The following OTUD3 variants were observed in gnomAD, a reference collection of about 807,000 sequenced individuals.
The protein encoded by OTUD3 is OTU deubiquitinase 3, also known as OTU domain-containing protein 3.
OTUD3 carries 24 observed loss-of-function variants against 46.2 expected under a neutral mutation model. The observed-to-expected ratio is 0.52, with a 90% CI of 0.38 to 0.73. OTUD3 has a LOEUF of 0.73. OTUD3 is among the 30% of genes least tolerant of loss of function. OTUD3 has a pLI of 0.00. For synonymous variants in OTUD3, 189 were observed against 195.4 expected (o/e 0.97, Z 0.27); for missense variants, 455 against 523.3 (o/e 0.87, Z 1.27).
At position 19,902,512 on chromosome 1, in the gene OTUD3, T is replaced by TA. The variant is rs2045604944; in HGVS notation, c.607-1752dup. On this transcript the variant is annotated intron_variant, in intron 4 of 7. Coordinates refer to ENST00000375120, the MANE Select transcript of OTUD3 (RefSeq NM_015207.2). The stretch of plus-strand genomic sequence containing the variant: ...GAGCCACCACGCCCGGCCAGTATCT[T>TA]AAAGTTTTGAATTGCATTTTCTTAA... Among the ~76,000 whole-genome samples the TA allele has an allele frequency of 2.0e-5, 3 of 152,348 alleles. No homozygotes were observed. In the South Asian group the frequency reaches 6.2e-4, roughly 32 times the overall value.
intron 7 of OTUD3, 62 bp from the exon 8 acceptor site, chr1:19,907,508 C>A: frequency 6.6e-7 from 1 of 1,518,424 alleles, no homozygotes; most frequent in South Asian, 1.2e-5. Flanking sequence ...CATCTCCCTT[C>A]TAGCAGGTGG....
intron 4 of OTUD3, among the ~76,000 whole-genome samples, chr1:19,902,940 G>A (rs1457363553): frequency 2.0e-5 from 3 of 151,534 alleles, no homozygotes; most frequent in Admixed American, 1.3e-4. Flanking sequence ...TGGATTTACA[G>A]TGGTTATTTA....
At chr1:19,904,231 C>T (rs2100313814) in intron 4 of OTUD3, 36 bp from the exon 5 acceptor site, 2 of 1,523,236 alleles carry the variant, frequency 1.3e-6, no homozygotes, top group Non-Finnish European at 1.8e-6. Flanking sequence ...GTTTGATTCT[C>T]AACATAGTTC....
At position 19,897,657 on chromosome 1, in the gene OTUD3, A is replaced by C; in HGVS notation, c.601A>C (p.Thr201Pro). The change falls in exon 4 of 8, where the codon ACG (threonine) becomes CCG (proline). Residue 201 changes from threonine (T) to proline (P), a missense_variant. Thr to Pro is a conservative substitution (Grantham distance 38). Transcript: ENST00000375120. ...CTCAGAGGCACCTGCACATCTCCAG[A>C]CGGATGTGAGTGAGGCCTCGGATTT... ...DNSEAPAHLQTDFQMLHQDES... is the reference protein window; with the variant it reads ...DNSEAPAHLQPDFQMLHQDES... The C allele has an allele frequency of 1.2e-6, 2 of 1,612,566 alleles. No individual in the cohort carries two copies. The highest frequency in any genetic ancestry group is 1.7e-6 in the Non-Finnish European group (2 of 1,179,376).
chr1:19,905,328 A>G (rs993838058), intron 6 of OTUD3, among the ~76,000 whole-genome samples: 2 of 152,218 alleles, frequency 1.3e-5, no homozygotes, highest in Non-Finnish European at 2.9e-5. Context: ...CCAAAATAAA[A>G]TGGAGAGAGA....
chr1:19,890,883 A>G (rs1226357325), intron 2 of OTUD3, among the ~76,000 whole-genome samples: 2 of 152,184 alleles, frequency 1.3e-5, no homozygotes, highest in Non-Finnish European at 2.9e-5. Context: ...CTGGAAAGAT[A>G]CTAACATTTT....
chr1:19,906,764 G>A (rs907364560), intron 7 of OTUD3, 148 bp downstream of exon 7: 1 of 690,818 alleles, frequency 1.4e-6, no homozygotes, highest in East Asian at 2.8e-5. Flanking sequence ...GCTACATCAA[G>A]AAGCAGAATG....
chr1:19,897,945 AC>A lies in OTUD3; in HGVS notation c.606+285del, dbSNP rs1260159275. ...TTTTTATGTTTTAAAATTAATCCAC[AC>A]CTTTTTTTTTTTTTTAATTGGAGAT... On this transcript the variant is annotated intron_variant, in intron 4 of 7. Transcript: ENST00000375120. 3.1e-5 allele frequency: 6 copies of A among 192,228 alleles called. No homozygotes were observed. In the East Asian group the frequency reaches 4.8e-4, roughly 15 times the overall value. The allele number at this position is 192,228 out of a possible 1,614,324, so 11.9% of individuals were successfully genotyped here.
rs746185753 is a variant in OTUD3 at position 19,894,466 on chromosome 1, G to T, written c.469G>T (p.Ala157Ser). The stretch of plus-strand genomic sequence containing the variant: ...GAATGTAGTGATTCATCAACTTAAT[G>T]CCCCTTTGTGGCAGGTAGGTCACCT... ...QLNVVIHQLN[A>S]PLWQIRGTEK... The change falls in exon 3 of 8, where the codon GCC becomes TCC. Residue 157 changes from alanine (A) to serine (S), a missense_variant. Coordinates refer to ENST00000375120, the MANE Select transcript of OTUD3 (RefSeq NM_015207.2). The T allele has an allele frequency of 6.3e-7, 1 of 1,589,772 alleles. No individual in the cohort carries two copies. The highest frequency in any genetic ancestry group is 1.1e-5 in the South Asian group (1 of 88,554).
In OTUD3 at chr1:19,882,726, G is replaced by A; in HGVS notation, c.213G>A (p.Pro71=). The A allele has an allele frequency of 7.3e-7, 1 of 1,366,566 alleles. No individual in the cohort carries two copies. The allele number at this position is 1,366,566 out of a possible 1,614,324, so 84.7% of individuals were successfully genotyped here. ...QALGLKLREV[P]GDGNCLFRAL... ...TGGGGCTGAAGCTGCGGGAGGTGCCGGGGGACGGGTGAGGCGGGCCGGGAG... is the reference window on the plus strand; with the variant it reads ...TGGGGCTGAAGCTGCGGGAGGTGCCAGGGGACGGGTGAGGCGGGCCGGGAG... The change falls in exon 1 of 8, where the codon CCG becomes CCA. Residue 71 remains proline, a synonymous_variant. Transcript: ENST00000375120.
chr1:19,886,455 A>G (rs2045362432), intron 1 of OTUD3, among the ~76,000 whole-genome samples: 1 of 152,206 alleles, frequency 6.6e-6, no homozygotes, highest in Admixed American at 6.5e-5. Flanking sequence ...GTGTCACCTG[A>G]ACAGCAGTGC....
chr1:19,896,123 A>T (rs1187371095), intron 3 of OTUD3, among the ~76,000 whole-genome samples: 2 of 152,168 alleles, frequency 1.3e-5, no homozygotes, highest in Non-Finnish European at 2.9e-5. Flanking sequence ...TATAAAATTT[A>T]AGAACTGAAA....
intron 1 of OTUD3, among the ~76,000 whole-genome samples, chr1:19,886,900 G>C (rs1438378856): frequency 6.6e-6 from 1 of 152,164 alleles, no homozygotes; most frequent in African/African-American, 2.4e-5. Context: ...GATCAGCGCT[G>C]TCCAGGGGAA....
In OTUD3 at chr1:19,902,698, T is replaced by C. The variant is rs538714951; in HGVS notation, c.607-1569T>C. 3.3e-5 allele frequency among the ~76,000 whole-genome samples: 5 copies of C among 152,318 alleles called. No individual in the cohort carries two copies. In the South Asian group the frequency reaches 1.0e-3, roughly 32 times the overall value. Reference sequence around the variant, plus strand: ...TCTAGATGCTAGATTCTTACCCAGGTATATGATTTGCTGTAATTTTTTTGG... The same window carrying C: ...TCTAGATGCTAGATTCTTACCCAGGCATATGATTTGCTGTAATTTTTTTGG... On this transcript the variant is annotated intron_variant, in intron 4 of 7. Coordinates refer to ENST00000375120, the MANE Select transcript of OTUD3 (RefSeq NM_015207.2).
intron 1 of OTUD3, among the ~76,000 whole-genome samples, chr1:19,889,804 G>C (rs2045422764): frequency 6.6e-6 from 1 of 152,168 alleles, no homozygotes; most frequent in Admixed American, 6.6e-5. Context: ...TAGTACAACT[G>C]TTTGTTGTCC....
intron 2 of OTUD3, among the ~76,000 whole-genome samples, chr1:19,892,879 T>C (rs1471528216): frequency 1.3e-5 from 2 of 152,172 alleles, no homozygotes; most frequent in Non-Finnish European, 2.9e-5. Flanking sequence ...AGCCCAGACT[T>C]TTTAGTTCTT....
chr1:19,902,128 G>A (rs184009944), intron 4 of OTUD3, among the ~76,000 whole-genome samples: 143 of 152,242 alleles, frequency 9.4e-4, no homozygotes, highest in Admixed American at 1.7e-3. Flanking sequence ...ACTTGCCACC[G>A]GTAATGTATG....
In OTUD3 at chr1:19,907,928, ATGTT is replaced by A. The variant is rs1329801742; in HGVS notation, c.*183_*186del. 3 of 513,492 alleles carry A rather than the reference ATGTT, an allele frequency of 5.8e-6. No homozygotes were observed. The highest frequency in any genetic ancestry group is 6.8e-6 in the Non-Finnish European group (2 of 293,442). The allele number at this position is 513,492 out of a possible 1,614,324, so 31.8% of individuals were successfully genotyped here. On this transcript the variant is annotated 3_prime_UTR_variant, in exon 8 of 8. Coordinates refer to ENST00000375120, the MANE Select transcript of OTUD3 (RefSeq NM_015207.2). ...TTTTGTTCGAAGTTTTATTAGTGAT[ATGTT>A]GGTGTTTTATGAAAATGCAGTGAGG...
intron 1 of OTUD3, among the ~76,000 whole-genome samples, chr1:19,887,442 G>C (rs999828057): frequency 4.6e-5 from 7 of 152,168 alleles, no homozygotes; most frequent in African/African-American, 1.7e-4. Context: ...TACACTGATA[G>C]CACACCTCAC....
Sources: gnomAD v4.1 joint callset for allele counts (sites outside exome capture counted in the v4.1 genomes callset) on GRCh38, gnomAD v4.1.1 for gene constraint, MANE v1.5 for transcripts, NCBI Gene and HGNC (gene_info 2026-07-23, HGNC 2026-07-21) for gene names.